AP3D1: variants seen among roughly 807,000 people sequenced by gnomAD.
AP3D1 encodes adaptor related protein complex 3 subunit delta 1.
AP3D1 carries 51 observed loss-of-function variants against 147.6 expected under a neutral mutation model. The observed-to-expected ratio is 0.35, with a 90% CI of 0.28 to 0.44. The LOEUF (loss-of-function observed/expected upper bound fraction) is 0.44. Ranked by LOEUF, AP3D1 falls within the 20% of genes least tolerant of loss-of-function variation. The pLI is 1.00. For synonymous variants in AP3D1, 760 were observed against 663.0 expected (o/e 1.15, Z -2.25); for missense variants, 1,421 against 1,624.2 (o/e 0.87, Z 2.15).
At chr19:2,125,884 G>A (rs1012750120) in intron 9 of AP3D1, among the ~76,000 whole-genome samples, 7 of 151,468 alleles carry the variant, frequency 4.6e-5, no homozygotes, top group Non-Finnish European at 7.4e-5. Context: ...CAGTAACTCA[G>A]GCCTGTAATC....
rs201804540 is a variant in AP3D1 at position 2,110,167 on chromosome 19, T to C, written c.3233A>G (p.Lys1078Arg). Residue 1078 changes from lysine to arginine, a missense_variant, in exon 28 of 32, where the codon AAG becomes AGG. Around this residue, in one of 6 missense-constraint regions of AP3D1, gnomAD observed 791 missense variants for 761.4 expected, o/e 1.04. Coordinates refer to ENST00000643116, the MANE Select transcript of AP3D1 (RefSeq NM_001261826.3). The part of the protein sequence containing the change: ...FTIQSIVMAQ[K>R]LKGTLSFIAK... ...AATGAAGGACAGGGTCCCCTTGAGC[T>C]TCTGCGCCATGACGATGCTCTGGAT... is the stretch of plus-strand genomic sequence containing the variant. 681 of 1,612,930 alleles carry C rather than the reference T, an allele frequency of 4.2e-4. 12 individuals carry two copies. The South Asian group carries it at 7.2e-3, about 17-fold the overall frequency.
intron 1 of AP3D1, among the ~76,000 whole-genome samples, chr19:2,139,258 G>A (rs1246871818): frequency 2.6e-5 from 4 of 152,060 alleles, no homozygotes; most frequent in African/African-American, 9.7e-5. Flanking sequence ...CTTGGCCGTG[G>A]TGGTGGCGCA....
Position 2,138,645 on chromosome 19 carries a change from C to T in AP3D1, c.166G>A (p.Ala56Thr). 1.2e-6 allele frequency: 2 copies of T among 1,613,992 alleles called. No homozygotes were observed. The highest frequency in any genetic ancestry group is 1.7e-5 in the Admixed American group (1 of 60,018). ...ELKQDNIAVK[A>T]NAVCKLTYLQ... ...TACGTCAGCTTGCAGACCGCGTTCG[C>T]CTTCACCGCTATGTTGTCCTGCTTC... Residue 56 changes from alanine to threonine, a missense_variant, in exon 2 of 32, where the codon GCG becomes ACG. Physicochemically the swap from Ala to Thr is moderately conservative, Grantham distance 58 (BLOSUM62 0). Around this residue, in one of 6 missense-constraint regions of AP3D1, gnomAD observed 292 missense variants for 412.0 expected, o/e 0.71. Coordinates refer to ENST00000643116, the MANE Select transcript of AP3D1 (RefSeq NM_001261826.3).
At chr19:2,159,795 G>A (rs1290832040) in intron 1 of AP3D1, among the ~76,000 whole-genome samples, 5 of 151,890 alleles carry the variant, frequency 3.3e-5, no homozygotes, top group African/African-American at 1.2e-4. Context: ...CCACCTCCCA[G>A]GTTCATGCCA....
intron 1 of AP3D1, 130 bp downstream of exon 1, chr19:2,151,109 G>A (rs2019496550): frequency 4.8e-6 from 4 of 825,150 alleles, no homozygotes; most frequent in Admixed American, 3.0e-5. Flanking sequence ...CAGGGCCGGA[G>A]CCCTAAGCGG....
At chr19:2,127,082 T>C in intron 9 of AP3D1, 70 bp downstream of exon 9, 1 of 1,551,650 alleles carries the variant, frequency 6.4e-7, no homozygotes, top group South Asian at 1.1e-5. Context: ...CCTGGCGCCC[T>C]CCTGTCCCCA....
At chr19:2,103,835 C>T (rs926971545) in intron 31 of AP3D1, among the ~76,000 whole-genome samples, 4 of 152,136 alleles carry the variant, frequency 2.6e-5, no homozygotes, top group African/African-American at 9.7e-5. Context: ...AGTGCCAAGA[C>T]CCCAGTGCCA....
At chr19:2,127,980 C>T (rs1019480929) in intron 8 of AP3D1, among the ~76,000 whole-genome samples, 22 of 152,218 alleles carry the variant, frequency 1.4e-4, no homozygotes, top group African/African-American at 3.4e-4. Flanking sequence ...CAGTGAAGTC[C>T]GTGTGCGCGT....
chr19:2,162,610 C>T (rs915424198), intron 1 of AP3D1, among the ~76,000 whole-genome samples: 4 of 151,192 alleles, frequency 2.6e-5, no homozygotes, highest in East Asian at 2.0e-4. Context: ...TGCAGTGACC[C>T]GAGATCGTGC....
At chr19:2,131,634 C>T (rs188698303) in intron 5 of AP3D1, among the ~76,000 whole-genome samples, 1 of 143,520 alleles carries the variant, frequency 7.0e-6, no homozygotes, top group Non-Finnish European at 1.5e-5. Flanking sequence ...CCATCGGCCA[C>T]GATCTAGACA....
chr19:2,110,588 G>T, intron 27 of AP3D1, 119 bp downstream of exon 27: 3 of 1,140,764 alleles, frequency 2.6e-6, no homozygotes, highest in Non-Finnish European at 3.7e-6. Context: ...CTGAGGTGCA[G>T]CCTGGGGACA....
At chr19:2,131,707 G>A (rs79692547) in intron 5 of AP3D1, among the ~76,000 whole-genome samples, 1,291 of 49,172 alleles carry the variant, frequency 0.026, 38 homozygotes, top group African/African-American at 0.029. Context: ...AGACACCTCC[G>A]GGCGGACAGG....
At chr19:2,154,280 T>C (rs1449881563), upstream of AP3D1, among the ~76,000 whole-genome samples, 4 of 133,738 alleles carry the variant, frequency 3.0e-5, no homozygotes, top group Non-Finnish European at 7.0e-5. Flanking sequence ...TTATGGTTTT[T>C]TTTTTCTTTT....
At chr19:2,122,897 T>C (rs1256762738) in intron 11 of AP3D1, among the ~76,000 whole-genome samples, 1 of 152,246 alleles carries the variant, frequency 6.6e-6, no homozygotes, top group African/African-American at 2.4e-5. Flanking sequence ...CCGCTAATTC[T>C]GATTCCTCAA....
In AP3D1 at chr19:2,115,597, G is replaced by C; in HGVS notation, c.2090C>G (p.Pro697Arg). The C allele has an allele frequency of 6.2e-7, 1 of 1,612,826 alleles. No homozygotes were observed. The highest frequency in any genetic ancestry group is 8.5e-7 in the Non-Finnish European group (1 of 1,179,616). Residue 697 changes from proline to arginine, a missense_variant, in exon 19 of 32, where the codon CCG becomes CGG. By Grantham distance (103) the Pro-to-Arg change is moderately radical (BLOSUM62 -2). Transcript: ENST00000643116. ...PSPQKRYQDT[P>R]GVEHIPVVQI... Reference sequence around the variant, plus strand: ...CACCACGGGAATGTGCTCCACGCCCGGGGTGTCCTGGTACCGCTGCAAAGG... The same window carrying C: ...CACCACGGGAATGTGCTCCACGCCCCGGGTGTCCTGGTACCGCTGCAAAGG...
chr19:2,156,227 C>G (rs987041851), upstream of AP3D1, among the ~76,000 whole-genome samples: 3 of 152,094 alleles, frequency 2.0e-5, no homozygotes, highest in African/African-American at 7.2e-5. Flanking sequence ...TGGCCTGGAG[C>G]CCTGAGCTCT....
chr19:2,129,578 G>A (rs2018878381), intron 6 of AP3D1, 121 bp from the exon 7 acceptor site: 1 of 1,247,352 alleles, frequency 8.0e-7, no homozygotes, highest in Non-Finnish European at 1.1e-6. Context: ...ACATGGCCCT[G>A]GCTCTGCCAC....
intron 1 of AP3D1, among the ~76,000 whole-genome samples, chr19:2,146,715 TCCA>T (rs955564049): frequency 2.6e-5 from 4 of 151,868 alleles, no homozygotes; most frequent in African/African-American, 7.2e-5. Context: ...CGCCCTCTGG[TCCA>T]CCACCACCGT....
intron 20 of AP3D1, 131 bp downstream of exon 20, chr19:2,115,088 A>G (rs985365284): frequency 1.1e-5 from 11 of 989,758 alleles, no homozygotes; most frequent in East Asian, 7.7e-5. Context: ...CTCTCCTCCT[A>G]TGCTCTCCGG....
Sources: gnomAD v4.1 joint callset for allele counts (sites outside exome capture counted in the v4.1 genomes callset) on GRCh38, gnomAD v4.1.1 for gene constraint, gnomAD v4.1.1 regional missense constraint, MANE v1.5 for transcripts, NCBI Gene and HGNC (gene_info 2026-07-23, HGNC 2026-07-21) for gene names.